Variants in CFAP53 observed in about 807,000 individuals in gnomAD.
CFAP53 encodes cilia and flagella associated protein 53.
In CFAP53, 62 loss-of-function variants were observed where a neutral mutation model predicts 59.7. The ratio of observed to expected loss-of-function variants is 1.04; its 90% CI spans 0.85 to 1.28. The LOEUF is 1.28. Among genes scored for constraint, CFAP53 ranks in the 50% most tolerant of loss-of-function variants. The pLI, the probability that CFAP53 is intolerant of heterozygous loss-of-function variation, is 0.00. For synonymous variants in CFAP53, 218 were observed against 205.7 expected (o/e 1.06, Z -0.51); for missense variants, 629 against 615.6 (o/e 1.02, Z -0.23).
intron 5 of CFAP53, among the ~76,000 whole-genome samples, chr18:50,250,339 A>T (rs192061606): frequency 1.3e-5 from 2 of 152,328 alleles, no homozygotes; most frequent in East Asian, 3.9e-4. Context: ...AAACACTCTT[A>T]AAAGTTCAAT....
chr18:50,234,060 A>G (rs2033607672), intron 7 of CFAP53, among the ~76,000 whole-genome samples: 1 of 152,152 alleles, frequency 6.6e-6, no homozygotes, highest in South Asian at 2.1e-4. Context: ...AGAAACTCCA[A>G]AGGGTCTGGC....
At chr18:50,238,143 A>G (rs938875313) in intron 7 of CFAP53, among the ~76,000 whole-genome samples, 1 of 152,238 alleles carries the variant, frequency 6.6e-6, no homozygotes, top group Non-Finnish European at 1.5e-5. Flanking sequence ...CTACTTTTAC[A>G]TGAAATTTTG....
At chr18:50,260,513 A>G (rs532582935) in intron 3 of CFAP53, among the ~76,000 whole-genome samples, 4 of 152,220 alleles carry the variant, frequency 2.6e-5, no homozygotes, top group African/African-American at 4.8e-5. Flanking sequence ...AAATACAAAA[A>G]AATTAGCTGG....
At chr18:50,234,525 C>T (rs2033612586) in intron 7 of CFAP53, among the ~76,000 whole-genome samples, 2 of 152,186 alleles carry the variant, frequency 1.3e-5, no homozygotes, top group South Asian at 4.1e-4. Flanking sequence ...ATACTGGAAT[C>T]CAAACTAACC....
chr18:50,259,312 G>A (rs1376015859), intron 3 of CFAP53, among the ~76,000 whole-genome samples: 1 of 152,110 alleles, frequency 6.6e-6, no homozygotes, highest in Admixed American at 6.6e-5. Context: ...ACTATGGATG[G>A]AACTGGAGGT....
At chr18:50,255,592 G>A (rs1177079081) in intron 3 of CFAP53, among the ~76,000 whole-genome samples, 1 of 151,406 alleles carries the variant, frequency 6.6e-6, no homozygotes, top group Admixed American at 6.6e-5. Context: ...AAAACCACTG[G>A]TAATTTTTTC....
chr18:50,245,263 T>A (rs1298523026), intron 5 of CFAP53, among the ~76,000 whole-genome samples: 2 of 150,448 alleles, frequency 1.3e-5, no homozygotes, highest in Non-Finnish European at 3.0e-5. Flanking sequence ...GCGCCTGTAG[T>A]CCCAGCTACT....
chr18:50,264,376 G>C (rs2033918846), intron 1 of CFAP53, among the ~76,000 whole-genome samples: 1 of 152,188 alleles, frequency 6.6e-6, no homozygotes. Context: ...TCCTAGGTTT[G>C]ATTCTGGCCT....
intron 4 of CFAP53, 82 bp downstream of exon 4, chr18:50,251,399 A>ACAAACTGTACTGTAACAGGCCTG: frequency 8.0e-7 from 1 of 1,254,718 alleles, no homozygotes; most frequent in Non-Finnish European, 1.1e-6. Flanking sequence ...AGGCCATCAG[A>ACAAACTGTACTGTAACAGGCCTG]CAAACTGTAC....
At chr18:50,237,609 G>A (rs755882444) in intron 7 of CFAP53, among the ~76,000 whole-genome samples, 6 of 151,806 alleles carry the variant, frequency 4.0e-5, no homozygotes, top group Non-Finnish European at 5.9e-5. Context: ...CAGGGAGGGT[G>A]ACCAGTAATC....
chr18:50,236,937 C>T (rs2033639739), intron 7 of CFAP53, among the ~76,000 whole-genome samples: 1 of 152,020 alleles, frequency 6.6e-6, no homozygotes, highest in Non-Finnish European at 1.5e-5. Context: ...TATCTCTCCA[C>T]CAATTCAGAA....
chr18:50,240,893 G>C (rs1456964865), intron 6 of CFAP53, among the ~76,000 whole-genome samples: 1 of 152,190 alleles, frequency 6.6e-6, no homozygotes, highest in South Asian at 2.1e-4. Flanking sequence ...CATTGGGCTG[G>C]ACATGGAAAT....
At chr18:50,244,228 G>A (rs1483361096) in intron 5 of CFAP53, among the ~76,000 whole-genome samples, 1 of 152,152 alleles carries the variant, frequency 6.6e-6, no homozygotes, top group African/African-American at 2.4e-5. Context: ...ATCTTGAATT[G>A]TAATTCCCAT....
chr18:50,261,346 CA>C, intron 2 of CFAP53, 109 bp from the exon 3 acceptor site: 1 of 1,205,076 alleles, frequency 8.3e-7, no homozygotes, highest in Non-Finnish European at 1.1e-6. Flanking sequence ...AAAGAAAGAT[CA>C]CTGCAGTCTT....
intron 3 of CFAP53, among the ~76,000 whole-genome samples, chr18:50,254,678 C>T (rs376189618): frequency 4.1e-4 from 62 of 152,208 alleles, no homozygotes; most frequent in African/African-American, 1.3e-3. Flanking sequence ...CACCTAAGGT[C>T]GGGAGTTCAA....
chr18:50,237,332 AT>A (rs2033645526), intron 7 of CFAP53, among the ~76,000 whole-genome samples: 2 of 19,926 alleles, frequency 1.0e-4, no homozygotes, highest in African/African-American at 1.3e-4. Context: ...AAAAAAAAAT[AT>A]ATATATATAT....
intron 5 of CFAP53, among the ~76,000 whole-genome samples, chr18:50,244,372 G>A (rs1052108623): frequency 7.9e-5 from 12 of 152,094 alleles, no homozygotes; most frequent in African/African-American, 2.4e-4. Flanking sequence ...CCCTCCTGTC[G>A]CCAAGTAAGA....
At chr18:50,230,500 C>T (rs1285525006) in intron 7 of CFAP53, among the ~76,000 whole-genome samples, 1 of 152,222 alleles carries the variant, frequency 6.6e-6, no homozygotes, top group Non-Finnish European at 1.5e-5. Flanking sequence ...GTTGGCTGTT[C>T]CTGAGTTGTG....
At chr18:50,243,789 A>C (rs1274390920) in intron 5 of CFAP53, among the ~76,000 whole-genome samples, 2 of 152,098 alleles carry the variant, frequency 1.3e-5, no homozygotes, top group Non-Finnish European at 2.9e-5. Flanking sequence ...GTCTCTACTA[A>C]AAATACAAAA....
Sources: allele counts gnomAD v4.1 joint callset (sites outside exome capture counted in the v4.1 genomes callset), GRCh38; gene constraint gnomAD v4.1.1; transcripts MANE v1.5; gene names NCBI Gene and HGNC (gene_info 2026-07-23, HGNC 2026-07-21).